Variants in ATRN observed in about 807,000 individuals in gnomAD.
The protein encoded by ATRN is attractin-2.
A neutral mutation model predicts 178.7 loss-of-function variants in ATRN; 54 were observed. The ratio of observed to expected loss-of-function variants is 0.30; its 90% CI spans 0.24 to 0.38. The LOEUF (loss-of-function observed/expected upper bound fraction) is 0.38, where lower values mean the gene tolerates loss of function less well. ATRN is among the 10% of genes least tolerant of loss of function. The pLI, the probability that ATRN is intolerant of heterozygous loss-of-function variation, is 1.00. For missense variants in ATRN, 1,443 were observed against 1,815.1 expected (o/e 0.79, Z 3.73); for synonymous variants, 636 against 663.0 (o/e 0.96, Z 0.63).
At chr20:3,522,873 A>G (rs1480844253) in intron 1 of ATRN, among the ~76,000 whole-genome samples, 1 of 152,142 alleles carries the variant, frequency 6.6e-6, no homozygotes. Flanking sequence ...ATCACCATCA[A>G]CAAAAAGGAC....
At chr20:3,615,557 C>CTTTTTTTT (rs553919921) in intron 24 of ATRN, among the ~76,000 whole-genome samples, 5 of 133,262 alleles carry the variant, frequency 3.8e-5, no homozygotes, top group South Asian at 2.4e-4. Context: ...TTTCTTTTTT[C>CTTTTTTTT]TTTTTTTTTT....
chr20:3,509,356 AG>A (rs1461017050), intron 1 of ATRN, among the ~76,000 whole-genome samples: 3 of 152,368 alleles, frequency 2.0e-5, no homozygotes, highest in African/African-American at 7.2e-5. Flanking sequence ...AGACTTAAGA[AG>A]GATTGCTAGA....
chr20:3,513,796 A>G (rs1044266425), intron 1 of ATRN, among the ~76,000 whole-genome samples: 10 of 152,272 alleles, frequency 6.6e-5, no homozygotes, highest in African/African-American at 2.4e-4. Flanking sequence ...TTCTCCTTGA[A>G]GAGGTCCTTC....
intron 6 of ATRN, among the ~76,000 whole-genome samples, chr20:3,554,612 T>C (rs1221328157): frequency 6.6e-6 from 1 of 151,922 alleles, no homozygotes; most frequent in African/African-American, 2.4e-5. Context: ...GGGATTACAG[T>C]CGTGAGCCAC....
At chr20:3,618,048 A>G (rs1568768489) in intron 24 of ATRN, among the ~76,000 whole-genome samples, 1 of 152,312 alleles carries the variant, frequency 6.6e-6, no homozygotes, top group East Asian at 1.9e-4. Flanking sequence ...GCCGCCCTTC[A>G]GTGGGCTATG....
intron 1 of ATRN, among the ~76,000 whole-genome samples, chr20:3,495,920 T>G (rs539617498): frequency 6.6e-6 from 1 of 152,096 alleles, no homozygotes; most frequent in East Asian, 1.9e-4. Flanking sequence ...TAAAAATGAT[T>G]AAGGAGAGAG....
rs563804474 is a variant in ATRN at position 3,487,239 on chromosome 20, A to G, written c.410+15722A>G. Among the ~76,000 whole-genome samples the G allele has an allele frequency of 2.0e-5, 3 of 152,028 alleles. No individual in the cohort carries two copies. In the South Asian group the frequency reaches 6.2e-4, roughly 32 times the overall value. ...TTGTGCCTTTAAGCAATTTTAATTAATTAATTAATTTTTTGAGACCGAGTC... is the reference window on the plus strand; with the variant it reads ...TTGTGCCTTTAAGCAATTTTAATTAGTTAATTAATTTTTTGAGACCGAGTC... On this transcript the variant is annotated intron_variant, in intron 1 of 28. Coordinates refer to ENST00000262919, the MANE Select transcript of ATRN (RefSeq NM_139321.3).
Position 3,638,766 on chromosome 20 carries a change from A to C in ATRN, c.3943-62A>C. Reference sequence around the variant, plus strand: ...GGATGAGGTGTTTTTAACATGTAGCATTAACTAATAAAACCCCTTCAGTAC... The same window carrying C: ...GGATGAGGTGTTTTTAACATGTAGCCTTAACTAATAAAACCCCTTCAGTAC... On this transcript the variant is annotated intron_variant, in intron 26 of 28. Transcript: ENST00000262919. The surrounding 1 kb of genome is among the most constrained non-coding windows in gnomAD (Gnocchi z 4.5). 1 of 1,416,604 alleles carries C rather than the reference A, an allele frequency of 7.1e-7. No homozygotes were observed. The highest frequency in any genetic ancestry group is 1.8e-5 in the Admixed American group (1 of 56,964). 87.8% of individuals were successfully genotyped at this position (1,416,604 alleles called of 1,614,324 possible).
At chr20:3,553,035 G>A (rs1226762746) in intron 6 of ATRN, among the ~76,000 whole-genome samples, 1 of 152,104 alleles carries the variant, frequency 6.6e-6, no homozygotes, top group Non-Finnish European at 1.5e-5. Context: ...ATTGTACATG[G>A]TTATGAATAC....
intron 3 of ATRN, among the ~76,000 whole-genome samples, chr20:3,544,462 G>A (rs368844856): frequency 3.3e-5 from 5 of 152,106 alleles, no homozygotes; most frequent in Admixed American, 6.5e-5. Context: ...GACAGATTGC[G>A]TAGGGCCTGG....
At chr20:3,617,146 C>G (rs2086855380) in intron 24 of ATRN, among the ~76,000 whole-genome samples, 1 of 152,046 alleles carries the variant, frequency 6.6e-6, no homozygotes, top group African/African-American at 2.4e-5. Context: ...AATTGCTGAC[C>G]AGTGCTATGG....
At chr20:3,492,779 G>A (rs1258068800) in intron 1 of ATRN, among the ~76,000 whole-genome samples, 1 of 150,634 alleles carries the variant, frequency 6.6e-6, no homozygotes, top group African/African-American at 2.4e-5. Context: ...AATTTTGTTG[G>A]TTCTGGAACT....
rs187383432 is a variant in ATRN at position 3,618,442 on chromosome 20, C to T, written c.3802-6069C>T. Reference sequence around the variant, plus strand: ...AGCAGAGGAAGAGCAGGGAACATTGCTTTTCATGACTAGCCTTTCAGTACC... The same window carrying T: ...AGCAGAGGAAGAGCAGGGAACATTGTTTTTCATGACTAGCCTTTCAGTACC... On this transcript the variant is annotated intron_variant, in intron 24 of 28. Coordinates refer to ENST00000262919, the MANE Select transcript of ATRN (RefSeq NM_139321.3). 3.1e-3 allele frequency among the ~76,000 whole-genome samples: 475 copies of T among 152,292 alleles called. 3 individuals carry two copies. The highest frequency in any genetic ancestry group is 5.4e-3 in the Non-Finnish European group (364 of 68,028).
intron 14 of ATRN, among the ~76,000 whole-genome samples, chr20:3,577,736 C>G (rs2086231367): frequency 1.3e-5 from 2 of 152,126 alleles, no homozygotes; most frequent in Non-Finnish European, 2.9e-5. Context: ...ACCTGGGAAT[C>G]TTGCGAAAGG....
At chr20:3,495,470 G>C (rs184342189) in intron 1 of ATRN, among the ~76,000 whole-genome samples, 1 of 152,162 alleles carries the variant, frequency 6.6e-6, no homozygotes, top group Admixed American at 6.5e-5. Context: ...TTTGGGTAGG[G>C]GCTTTGTTAG....
At chr20:3,608,849 C>T (rs1355748170) in intron 24 of ATRN, among the ~76,000 whole-genome samples, 2 of 152,022 alleles carry the variant, frequency 1.3e-5, no homozygotes, top group South Asian at 2.1e-4. Context: ...TGCCTGTAAT[C>T]CCAGCTACTT....
intron 6 of ATRN, among the ~76,000 whole-genome samples, chr20:3,555,362 G>A (rs911049295): frequency 6.6e-6 from 1 of 152,124 alleles, no homozygotes; most frequent in Non-Finnish European, 1.5e-5. Context: ...ATAATTCTCG[G>A]TGATAGCCCA....
chr20:3,576,497 T>A (rs1422123885), intron 13 of ATRN, among the ~76,000 whole-genome samples: 3 of 152,202 alleles, frequency 2.0e-5, no homozygotes, highest in African/African-American at 7.2e-5. Flanking sequence ...TAGAAAACTT[T>A]CAGACTTTTG....
chr20:3,588,981 G>GTTTGT (rs745664133), intron 18 of ATRN, among the ~76,000 whole-genome samples: 4 of 99,774 alleles, frequency 4.0e-5, no homozygotes, highest in African/African-American at 3.8e-5. Flanking sequence ...ATTTTCTTTT[G>GTTTGT]TTTTTTTTTT....
Sources: allele counts gnomAD v4.1 joint callset (sites outside exome capture counted in the v4.1 genomes callset), GRCh38; gene constraint gnomAD v4.1.1; non-coding constraint Gnocchi (gnomAD v3.1); transcripts MANE v1.5; gene names NCBI Gene and HGNC (gene_info 2026-07-23, HGNC 2026-07-21).